TMEM87B: variants seen among roughly 807,000 people sequenced by gnomAD.
The protein encoded by TMEM87B is transmembrane protein 87B.
In TMEM87B, 83 loss-of-function variants were observed where a neutral mutation model predicts 80.3. The ratio of observed to expected loss-of-function variants is 1.03; its 90% confidence interval spans 0.87 to 1.24. The LOEUF is 1.24. TMEM87B is among the 50% of genes most tolerant of loss of function. TMEM87B has a pLI of 0.00. For missense variants in TMEM87B, 625 were observed against 674.4 expected, an observed-to-expected ratio of 0.93 and a Z score of 0.81; for synonymous variants, 219 against 230.5, an observed-to-expected ratio of 0.95 and a Z score of 0.45.
chr2:112,094,662 A>C (rs1233448295), intron 11 of TMEM87B, among the ~76,000 whole-genome samples: 1 of 152,232 alleles, frequency 6.6e-6, no homozygotes, highest in Middle Eastern at 3.2e-3. Flanking sequence ...GTAGGAAAAT[A>C]AGGAAAACAG....
rs573140148 is a variant in TMEM87B at position 112,065,490 on chromosome 2, A to T, written c.318+1237A>T. Among the ~76,000 whole-genome samples, 337 of 152,094 alleles carry T rather than the reference A, an allele frequency of 2.2e-3. 1 individual carries two copies. The highest frequency in any genetic ancestry group is 4.1e-3 in the Non-Finnish European group (279 of 67,990). Reference sequence around the variant, plus strand: ...TGAGACCCTGTCTCTACAAAAAATTAAAAAATTAGCCAGACACAGTGGCAT... The same window carrying T: ...TGAGACCCTGTCTCTACAAAAAATTTAAAAATTAGCCAGACACAGTGGCAT... On this transcript the variant is annotated intron_variant, in intron 3 of 18. Transcript: ENST00000283206.
chr2:112,093,179 A>G (rs1332089730), intron 11 of TMEM87B, among the ~76,000 whole-genome samples: 1 of 152,172 alleles, frequency 6.6e-6, no homozygotes, highest in Non-Finnish European at 1.5e-5. Context: ...CACTCCTCAT[A>G]GGCTTTTCTG....
At chr2:112,068,956 G>T (rs2104461492) in intron 4 of TMEM87B, among the ~76,000 whole-genome samples, 1 of 152,018 alleles carries the variant, frequency 6.6e-6, no homozygotes, top group East Asian at 1.9e-4. Flanking sequence ...ACTTTGGGAG[G>T]CCGAGGCGGG....
At chr2:112,091,270 A>G (rs992276875) in intron 10 of TMEM87B, among the ~76,000 whole-genome samples, 12 of 152,152 alleles carry the variant, frequency 7.9e-5, no homozygotes, top group African/African-American at 2.9e-4. Context: ...TACATAGCCA[A>G]CATCTTAGAT....
chr2:112,098,724 C>T (rs1470084766), intron 14 of TMEM87B, 26 bp downstream of exon 14: 31 of 1,601,186 alleles, frequency 1.9e-5, no homozygotes, highest in African/African-American at 5.4e-5. Context: ...AATTTCAAGT[C>T]GTCAAGGATT....
chr2:112,078,659 C>T (rs1349053016), intron 6 of TMEM87B, among the ~76,000 whole-genome samples: 2 of 152,176 alleles, frequency 1.3e-5, no homozygotes, highest in South Asian at 2.1e-4. Context: ...TGTGTCTTTT[C>T]CCCTGACACC....
rs201688593 is a variant in TMEM87B at position 112,089,602 on chromosome 2, C to G, written c.939-23C>G. On this transcript the variant is annotated intron_variant, in intron 9 of 18. Transcript: ENST00000283206. ...CTCACCCATGCTTTTTCTTCTTTCTCTGTTTCCTCTTCCTGATTCCAGGCC... is the reference window on the plus strand; with the variant it reads ...CTCACCCATGCTTTTTCTTCTTTCTGTGTTTCCTCTTCCTGATTCCAGGCC... 8,129 of 1,611,848 alleles carry G rather than the reference C, an allele frequency of 5.0e-3. 25 individuals are homozygous for G. The highest frequency in any genetic ancestry group is 6.3e-3 in the Non-Finnish European group (7,456 of 1,178,274).
At chr2:112,076,854 G>GTGTA (rs948055849) in intron 5 of TMEM87B, among the ~76,000 whole-genome samples, 1 of 36,910 alleles carries the variant, frequency 2.7e-5, no homozygotes, top group Non-Finnish European at 6.9e-5. Flanking sequence ...GTGTGTGTGT[G>GTGTA]TGTGTGTGTG....
At chr2:112,082,481 T>G (rs1453988365) in intron 8 of TMEM87B, among the ~76,000 whole-genome samples, 1 of 152,166 alleles carries the variant, frequency 6.6e-6, no homozygotes, top group Non-Finnish European at 1.5e-5. Flanking sequence ...CGTTGCTAAT[T>G]ATTGAAGCTG....
chr2:112,113,163 G>A (rs1358348680), intron 18 of TMEM87B, among the ~76,000 whole-genome samples: 1 of 152,192 alleles, frequency 6.6e-6, no homozygotes, highest in East Asian at 1.9e-4. Flanking sequence ...GTTATTTTAT[G>A]AAATCTTGAG....
rs1345833333 is a variant in TMEM87B at position 112,116,414 on chromosome 2, G to T, written c.*271G>T. Reference sequence around the variant, plus strand: ...TGCACAGATGCCTCTTAGCTGATAGGTGGCAGGCCTGTGGGTTTGGGTTCT... The same window carrying T: ...TGCACAGATGCCTCTTAGCTGATAGTTGGCAGGCCTGTGGGTTTGGGTTCT... On this transcript the variant is annotated 3_prime_UTR_variant, in exon 19 of 19. Coordinates refer to ENST00000283206, the MANE Select transcript of TMEM87B (RefSeq NM_032824.3). The T allele has an allele frequency of 3.6e-6, 1 of 277,970 alleles. No homozygotes were observed. The highest frequency in any genetic ancestry group is 6.7e-6 in the Non-Finnish European group (1 of 150,326). 17.2% of individuals were successfully genotyped at this position (277,970 alleles called of 1,614,324 possible).
intron 8 of TMEM87B, among the ~76,000 whole-genome samples, chr2:112,082,119 A>C (rs1679015947): frequency 6.6e-6 from 1 of 152,214 alleles, no homozygotes; most frequent in Non-Finnish European, 1.5e-5. Context: ...AGTGGATTTC[A>C]GGCCAGAGAA....
At chr2:112,091,601 G>A (rs1679302182) in intron 10 of TMEM87B, 111 bp from the exon 11 acceptor site, 1 of 738,384 alleles carries the variant, frequency 1.4e-6, no homozygotes, top group African/African-American at 1.8e-5. Context: ...CTTTTATGTG[G>A]CTTTGTAAAG....
At chr2:112,086,921 A>G (rs1294584090) in intron 9 of TMEM87B, among the ~76,000 whole-genome samples, 2 of 152,014 alleles carry the variant, frequency 1.3e-5, no homozygotes, top group African/African-American at 4.8e-5. Flanking sequence ...AGACTTTATT[A>G]TATATATAAC....
At chr2:112,096,967 G>A (rs1302899432) in intron 11 of TMEM87B, 77 bp from the exon 12 acceptor site, 36 of 999,700 alleles carry the variant, frequency 3.6e-5, no homozygotes, top group South Asian at 2.3e-4. Context: ...CTGACTTTGG[G>A]AACATAGTAG....
intron 8 of TMEM87B, among the ~76,000 whole-genome samples, chr2:112,082,762 G>A (rs1298434911): frequency 1.3e-5 from 2 of 152,156 alleles, no homozygotes; most frequent in African/African-American, 2.4e-5. Context: ...ATTCCTGAAT[G>A]TAGAGAAGGC....
At chr2:112,084,590 G>A (rs939462289) in intron 8 of TMEM87B, among the ~76,000 whole-genome samples, 1 of 151,476 alleles carries the variant, frequency 6.6e-6, no homozygotes, top group Admixed American at 6.6e-5. Flanking sequence ...TGTAGTTCTA[G>A]ATCTATCTTC....
Position 112,106,046 on chromosome 2 carries a change from A to G in TMEM87B, c.1495A>G (p.Thr499Ala). The change falls in exon 16 of 19, where the codon ACA becomes GCA. Residue 499 changes from threonine (T) to alanine (A), a missense_variant. Transcript: ENST00000283206. Reference sequence around the variant, plus strand: ...AGCCTCAAAATCAGTTTCCAATGGAACAGCTAAGCCTGCCACTTCTGAGAA... The same window carrying G: ...AGCCTCAAAATCAGTTTCCAATGGAGCAGCTAAGCCTGCCACTTCTGAGAA... Reference protein sequence around the residue: ...LRASKSVSNGTAKPATSENFD... With the variant: ...LRASKSVSNGAAKPATSENFD... The G allele has an allele frequency of 6.4e-7, 1 of 1,573,622 alleles. No individual in the cohort carries two copies. The highest frequency in any genetic ancestry group is 8.6e-7 in the Non-Finnish European group (1 of 1,164,422).
rs1678009662 is a variant in TMEM87B, at chr2:112,055,408, G to T, written c.-184G>T. ...CTCAGAGCCCTAAGCCCTGCCTCCC[G>T]GTCCTGGCCGGGTTTCCCAGAACTG... is the stretch of plus-strand genomic sequence containing the variant. On this transcript the variant is annotated 5_prime_UTR_variant, in exon 1 of 19. Coordinates refer to ENST00000283206, the MANE Select transcript of TMEM87B (RefSeq NM_032824.3). 3.1e-6 allele frequency: 2 copies of T among 643,370 alleles called. No homozygotes were observed. Among genetic ancestry groups the T allele is most frequent in the Non-Finnish European group, 4.9e-6 (2 of 408,476 alleles). 39.9% of individuals were successfully genotyped at this position (643,370 alleles called of 1,614,324 possible). A position where few individuals can be genotyped will look rare whatever the true frequency, so the allele number is the denominator to read the frequency against.
Sources: gnomAD v4.1 joint callset for allele counts (sites outside exome capture counted in the v4.1 genomes callset) on GRCh38, gnomAD v4.1.1 for gene constraint, MANE v1.5 for transcripts, NCBI Gene and HGNC (gene_info 2026-07-23, HGNC 2026-07-21) for gene names.